LMCD1: variants seen among roughly 807,000 people sequenced by gnomAD.
LMCD1 encodes the protein LIM and cysteine-rich domains protein 1.
Under a neutral mutation model 42.7 loss-of-function variants are expected in LMCD1, and 32 were observed. The ratio of observed to expected loss-of-function variants is 0.75; its 90% CI spans 0.57 to 1.01. LMCD1 has a LOEUF of 1.01. Ranked by LOEUF, LMCD1 falls within the 50% of genes least tolerant of loss-of-function variation. The pLI is 0.00. For missense variants in LMCD1, 458 were observed against 483.1 expected, an observed-to-expected ratio of 0.95 and a Z score of 0.49; for synonymous variants, 178 against 184.9, an observed-to-expected ratio of 0.96 and a Z score of 0.30.
At chr3:8,533,229 GC>G (rs1443396425) in intron 2 of LMCD1, among the ~76,000 whole-genome samples, 4 of 152,064 alleles carry the variant, frequency 2.6e-5, no homozygotes, top group Admixed American at 6.5e-5. Context: ...GTCTAGAGTG[GC>G]CCCTGGGACA....
chr3:8,502,336 AT>A (rs1693758752), intron 1 of LMCD1, among the ~76,000 whole-genome samples: 1 of 87,440 alleles, frequency 1.1e-5, no homozygotes, highest in African/African-American at 5.1e-5. Context: ...TATAATATAT[AT>A]TATATATAAA....
intron 4 of LMCD1, among the ~76,000 whole-genome samples, chr3:8,561,214 G>T (rs1367412408): frequency 2.0e-5 from 3 of 152,128 alleles, no homozygotes; most frequent in African/African-American, 4.8e-5. Flanking sequence ...CTAAAGCCAG[G>T]CTCAGCAAAC....
intron 4 of LMCD1, among the ~76,000 whole-genome samples, chr3:8,556,790 C>T (rs545576490): frequency 4.6e-5 from 7 of 152,320 alleles, no homozygotes; most frequent in South Asian, 2.1e-4. Flanking sequence ...TTCTCTTACA[C>T]GTGTAGCATT....
At chr3:8,554,327 G>A (rs140938179) in intron 4 of LMCD1, among the ~76,000 whole-genome samples, 217 of 152,264 alleles carry the variant, frequency 1.4e-3, no homozygotes, top group African/African-American at 4.8e-3. Context: ...TGCTTCACCG[G>A]CAGAGTGAAG....
At chr3:8,567,343 G>A in intron 5 of LMCD1, 97 bp from the exon 6 acceptor site, 1 of 1,247,464 alleles carries the variant, frequency 8.0e-7, no homozygotes, top group Non-Finnish European at 1.1e-6. Flanking sequence ...ACAAGAATAG[G>A]ATGGGATGAA....
At chr3:8,520,166 G>A (rs1349293293) in intron 1 of LMCD1, among the ~76,000 whole-genome samples, 1 of 152,042 alleles carries the variant, frequency 6.6e-6, no homozygotes, top group Non-Finnish European at 1.5e-5. Context: ...TCCAATAAAA[G>A]TGTGTTATCC....
At chr3:8,567,080 T>C (rs1695143089) in intron 5 of LMCD1, among the ~76,000 whole-genome samples, 1 of 152,208 alleles carries the variant, frequency 6.6e-6, no homozygotes, top group South Asian at 2.1e-4. Context: ...TTCTTGCTCT[T>C]GATGATTGGC....
At chr3:8,550,081 AG>A (rs1694813663) in intron 4 of LMCD1, 5 of 1,448,664 alleles carry the variant, frequency 3.5e-6, no homozygotes, top group Non-Finnish European at 4.5e-6. Context: ...AGTGCTGCTG[AG>A]GAGTGAGTCA....
intron 1 of LMCD1, among the ~76,000 whole-genome samples, chr3:8,522,061 T>A (rs1694217481): frequency 6.6e-6 from 1 of 151,944 alleles, no homozygotes; most frequent in African/African-American, 2.4e-5. Context: ...CTGGAACCAG[T>A]CTCAAATCAG....
At chr3:8,542,305 G>T (rs1222968745) in intron 3 of LMCD1, among the ~76,000 whole-genome samples, 1 of 152,252 alleles carries the variant, frequency 6.6e-6, no homozygotes, top group South Asian at 2.1e-4. Flanking sequence ...CCCAGCCCCA[G>T]CTGGAGCTTT....
intron 1 of LMCD1, among the ~76,000 whole-genome samples, chr3:8,531,409 T>C (rs6801316): frequency 0.78 from 119,319 of 152,126 alleles, 47,269 homozygotes; most frequent in East Asian, 0.9. Flanking sequence ...TTATTAACAC[T>C]TTCCCCTGTG....
intron 5 of LMCD1, among the ~76,000 whole-genome samples, chr3:8,567,048 C>T (rs1172469792): frequency 1.3e-5 from 2 of 152,176 alleles, no homozygotes; most frequent in Non-Finnish European, 2.9e-5. Context: ...CACTTCATTC[C>T]AAGCCCAAGT....
At chr3:8,563,683 A>G (rs1695079564) in intron 4 of LMCD1, among the ~76,000 whole-genome samples, 1 of 152,364 alleles carries the variant, frequency 6.6e-6, no homozygotes, top group African/African-American at 2.4e-5. Context: ...AGCACTCTTT[A>G]GACATGGAGG....
Position 8,567,532 on chromosome 3 carries a change from C to T in LMCD1, c.1032C>T (p.Gly344=). Residue 344 remains glycine (G), a synonymous_variant, in exon 6 of 6, where the codon GGC becomes GGT. Transcript: ENST00000157600. ...AGGGTTGTGAGCAGCTGCTGAGCGG[C>T]CGGGCGTACATCGTCACCAAGGGTC... is the stretch of plus-strand genomic sequence containing the variant. ...VCEGCEQLLS[G]RAYIVTKGQL... 1 of 1,613,840 alleles carries T rather than the reference C, an allele frequency of 6.2e-7. No homozygotes were observed. The highest frequency in any genetic ancestry group is 8.5e-7 in the Non-Finnish European group (1 of 1,179,974).
chr3:8,508,677 C>A (rs2167037), intron 1 of LMCD1, among the ~76,000 whole-genome samples: 70,445 of 152,046 alleles, frequency 0.46, 17,000 homozygotes, highest in Non-Finnish European at 0.52. Flanking sequence ...CACATCTGAA[C>A]TTTACATAAG....
chr3:8,554,041 C>T (rs1169216634), intron 4 of LMCD1, among the ~76,000 whole-genome samples: 1 of 152,134 alleles, frequency 6.6e-6, no homozygotes, highest in Non-Finnish European at 1.5e-5. Flanking sequence ...AGGTCTCAAT[C>T]TCTTTATTTT....
chr3:8,523,826 C>A (rs1694246697), intron 1 of LMCD1, among the ~76,000 whole-genome samples: 1 of 152,204 alleles, frequency 6.6e-6, no homozygotes, highest in Non-Finnish European at 1.5e-5. Flanking sequence ...GGCTTTCCAA[C>A]CCCCTGGCAT....
In LMCD1 at chr3:8,567,600, G is replaced by C; in HGVS notation, c.*2G>C. On this transcript the variant is annotated 3_prime_UTR_variant, in exon 6 of 6. Transcript: ENST00000157600. ...TGCAGCAAGTCCAAACGCTCCTGAA[G>C]GGCTGCCCACCCACAGCCAGAATCC... The C allele has an allele frequency of 6.2e-7, 1 of 1,611,794 alleles. No individual in the cohort carries two copies. The highest frequency in any genetic ancestry group is 8.5e-7 in the Non-Finnish European group (1 of 1,178,814).
intron 3 of LMCD1, among the ~76,000 whole-genome samples, chr3:8,538,911 G>T (rs1294276062): frequency 6.6e-6 from 1 of 152,188 alleles, no homozygotes; most frequent in Non-Finnish European, 1.5e-5. Context: ...CTCTAAGTGT[G>T]GGCTGTGGAC....
Sources: gnomAD v4.1 joint callset for allele counts (sites outside exome capture counted in the v4.1 genomes callset) on GRCh38, gnomAD v4.1.1 for gene constraint, MANE v1.5 for transcripts, NCBI Gene and HGNC (gene_info 2026-07-23, HGNC 2026-07-21) for gene names.